VTI1B: variants seen among roughly 807,000 people sequenced by gnomAD.
VTI1B encodes vesicle transport through interaction with t-SNAREs homolog 1B.
In VTI1B, 18 loss-of-function variants were observed where a neutral mutation model predicts 28.6. The observed-to-expected ratio is 0.63, with a 90% CI of 0.43 to 0.93. VTI1B has a LOEUF of 0.93. Among genes scored for constraint, VTI1B ranks in the 40% least tolerant of loss-of-function variants. VTI1B has a pLI of 0.00. For synonymous variants in VTI1B, 100 were observed against 107.9 expected (o/e 0.93, Z 0.46); for missense variants, 283 against 297.0 (o/e 0.95, Z 0.35).
At chr14:67,663,080 G>A in intron 1 of VTI1B, 1 of 1,482,010 alleles carries the variant, frequency 6.7e-7, no homozygotes, top group South Asian at 1.4e-5. Context: ...TCTGGGTGTG[G>A]CACCGGCAAT....
At chr14:67,651,614 A>AAGT in intron 5 of VTI1B, 133 bp from the exon 6 acceptor site, 1 of 926,608 alleles carries the variant, frequency 1.1e-6, no homozygotes, top group Non-Finnish European at 1.6e-6. Context: ...ACTTAGCAGG[A>AAGT]AGTACTCATA....
In VTI1B at chr14:67,656,541, G is replaced by A; in HGVS notation, c.415C>T (p.Leu139=). The A allele has an allele frequency of 6.2e-7, 1 of 1,613,988 alleles. No homozygotes were observed. Among genetic ancestry groups the A allele is most frequent in the Non-Finnish European group, 8.5e-7 (1 of 1,179,906 alleles). ...RAMLLQGTES[L]NRATQSIERS... is the part of the protein sequence containing the mutation. ...TCAATACTTTGGGTGGCCCGGTTCA[G>A]GCTTTCAGTGCCCTGCAGAAGCATT... Residue 139 remains leucine (L), a synonymous_variant, in exon 4 of 6, where the codon CTG becomes TTG. Coordinates refer to ENST00000554659, the MANE Select transcript of VTI1B (RefSeq NM_006370.3).
rs543261904 is a variant in VTI1B, at chr14:67,663,207, A to C, written c.116-672T>G. 1.5e-5 allele frequency: 23 copies of C among 1,495,774 alleles called. 2 individuals carry two copies. In the South Asian group the frequency reaches 2.4e-4, roughly 16 times the overall value. The allele number at this position is 1,495,774 out of a possible 1,614,324, so 92.7% of individuals were successfully genotyped here. A position where few individuals can be genotyped will look rare whatever the true frequency, so the allele number is the denominator to read the frequency against. On this transcript the variant is annotated intron_variant, in intron 1 of 5. Transcript: ENST00000554659. ...TAATCTCCCCTTTGAACAAAAATAGAACAGGCTTCAGCTTCAAAACAAACA... is the reference window on the plus strand; with the variant it reads ...TAATCTCCCCTTTGAACAAAAATAGCACAGGCTTCAGCTTCAAAACAAACA...
At chr14:67,663,974 C>T (rs1245633066) in intron 1 of VTI1B, among the ~76,000 whole-genome samples, 2 of 152,078 alleles carry the variant, frequency 1.3e-5, no homozygotes, top group African/African-American at 4.8e-5. Context: ...AAAATTAGCT[C>T]CTTTTAAGAG....
chr14:67,671,179 T>C (rs2037460576), intron 1 of VTI1B, among the ~76,000 whole-genome samples: 1 of 152,224 alleles, frequency 6.6e-6, no homozygotes, highest in Non-Finnish European at 1.5e-5. Flanking sequence ...TAGGGATATG[T>C]ATATATTTTC....
chr14:67,665,685 T>C (rs1244544684), intron 1 of VTI1B, among the ~76,000 whole-genome samples: 3 of 152,224 alleles, frequency 2.0e-5, no homozygotes, highest in South Asian at 4.1e-4. Context: ...TACTGTGCCA[T>C]AGATCCTAGA....
intron 1 of VTI1B, among the ~76,000 whole-genome samples, chr14:67,670,852 C>T (rs1162143587): frequency 6.6e-6 from 1 of 152,090 alleles, no homozygotes; most frequent in African/African-American, 2.4e-5. Context: ...GGTAAGAACT[C>T]TGGAAGTCCT....
In VTI1B at chr14:67,650,658, CCTCA is replaced by C; in HGVS notation, c.*723_*726del. The C allele has an allele frequency of 1.3e-6, 2 of 1,502,388 alleles. No homozygotes were observed. The highest frequency in any genetic ancestry group is 1.7e-5 in the Admixed American group (1 of 59,798). 93.1% of individuals were successfully genotyped at this position (1,502,388 alleles called of 1,614,324 possible). A position where few individuals can be genotyped will look rare whatever the true frequency, so the allele number is the denominator to read the frequency against. ...GTTCTCCCTGTCCCAGTGGGATGAC[CCTCA>C]CTGAGAGTAGCAGCAAGGGAACCTG... On this transcript the variant is annotated 3_prime_UTR_variant, in exon 6 of 6. Transcript: ENST00000554659.
At chr14:67,666,037 T>C (rs1007190336) in intron 1 of VTI1B, among the ~76,000 whole-genome samples, 1 of 152,244 alleles carries the variant, frequency 6.6e-6, no homozygotes, top group Non-Finnish European at 1.5e-5. Context: ...AGTATTGTAT[T>C]ATTTTGTAAT....
At position 67,674,457 on chromosome 14, in the gene VTI1B, G is replaced by C. The variant is rs1471430547; in HGVS notation, c.33C>G (p.Phe11Leu). ...CGCGGAAGATCTCGTGCAGCTTCTC[G>C]AAATGCTCCGAGGAGGCGGCGGAGG... Reference protein sequence around the residue: MASSAASSEHFEKLHEIFRGL... With the variant: MASSAASSEHLEKLHEIFRGL... Residue 11 changes from phenylalanine to leucine, a missense_variant, in exon 1 of 6, where the codon TTC becomes TTG. By Grantham distance (22) the Phe-to-Leu change is conservative. Coordinates refer to ENST00000554659, the MANE Select transcript of VTI1B (RefSeq NM_006370.3). 4 of 1,608,592 alleles carry C rather than the reference G, an allele frequency of 2.5e-6. No individual in the cohort carries two copies. The highest frequency in any genetic ancestry group is 3.4e-6 in the Non-Finnish European group (4 of 1,178,650).
chr14:67,665,097 C>A (rs1053016990), intron 1 of VTI1B, among the ~76,000 whole-genome samples: 11 of 152,176 alleles, frequency 7.2e-5, no homozygotes, highest in African/African-American at 2.7e-4. Context: ...GTGTGGTCCA[C>A]CCATCTCGGC....
At chr14:67,665,703 AC>A (rs1214299815) in intron 1 of VTI1B, among the ~76,000 whole-genome samples, 5 of 152,086 alleles carry the variant, frequency 3.3e-5, no homozygotes, top group African/African-American at 1.2e-4. Flanking sequence ...AGAACTATAA[AC>A]CTCCTTAGAT....
chr14:67,668,053 T>C (rs1374404712), intron 1 of VTI1B, among the ~76,000 whole-genome samples: 2 of 152,190 alleles, frequency 1.3e-5, no homozygotes, highest in African/African-American at 4.8e-5. Flanking sequence ...TACTCCATAG[T>C]GACTATTTTT....
At chr14:67,671,021 G>T (rs1411670843) in intron 1 of VTI1B, among the ~76,000 whole-genome samples, 1 of 152,210 alleles carries the variant, frequency 6.6e-6, no homozygotes, top group East Asian at 1.9e-4. Context: ...AAAACTTTAT[G>T]ATGTGGTCTC....
At chr14:67,673,585 T>C (rs2037496325) in intron 1 of VTI1B, among the ~76,000 whole-genome samples, 1 of 152,202 alleles carries the variant, frequency 6.6e-6, no homozygotes, top group Non-Finnish European at 1.5e-5. Flanking sequence ...AATAAATATA[T>C]ATTAAATACA....
In VTI1B at chr14:67,674,485, G is replaced by A. The variant is rs771750527; in HGVS notation, c.5C>T (p.Ala2Val). The A allele has an allele frequency of 4.4e-6, 7 of 1,602,972 alleles. No individual in the cohort carries two copies. The highest frequency in any genetic ancestry group is 6.0e-6 in the Non-Finnish European group (7 of 1,176,232). M[A>V]SSAASSEHFE... ...ATGCTCCGAGGAGGCGGCGGAGGAG[G>A]CCATGGCGCAGGCCGCGCTGGAGCA... The change falls in exon 1 of 6, where the codon GCC (alanine) becomes GTC (valine). Residue 2 changes from alanine to valine, a missense_variant. Physicochemically the swap from Ala to Val is moderately conservative, Grantham distance 64 (BLOSUM62 0). Transcript: ENST00000554659.
intron 2 of VTI1B, among the ~76,000 whole-genome samples, chr14:67,660,564 G>A (rs1225612883): frequency 6.6e-6 from 1 of 152,148 alleles, no homozygotes; most frequent in Non-Finnish European, 1.5e-5. Flanking sequence ...TAGGGGTCTG[G>A]CATCAGGGTT....
intron 1 of VTI1B, among the ~76,000 whole-genome samples, chr14:67,674,105 C>G (rs2037502706): frequency 6.6e-6 from 1 of 152,212 alleles, no homozygotes; most frequent in African/African-American, 2.4e-5. Context: ...ACCGCAGATG[C>G]AAAAGCCCCT....
At chr14:67,659,646 C>T in intron 3 of VTI1B, 85 bp downstream of exon 3, 1 of 1,370,566 alleles carries the variant, frequency 7.3e-7, no homozygotes, top group Non-Finnish European at 9.8e-7. Flanking sequence ...ACACTGATAA[C>T]ATGAAATACC....
Sources: gnomAD v4.1 joint callset for allele counts (sites outside exome capture counted in the v4.1 genomes callset) on GRCh38, gnomAD v4.1.1 for gene constraint, MANE v1.5 for transcripts, NCBI Gene and HGNC (gene_info 2026-07-23, HGNC 2026-07-21) for gene names.